NEK1: variants seen among roughly 807,000 people sequenced by gnomAD.
NEK1 encodes the protein serine/threonine-protein kinase Nek1.
NEK1 carries 137 observed loss-of-function variants against 182.1 expected under a neutral mutation model. The ratio of observed to expected loss-of-function variants is 0.75; its 90% CI spans 0.65 to 0.87. The LOEUF (loss-of-function observed/expected upper bound fraction) is 0.87. NEK1 is among the 40% of genes least tolerant of loss of function. NEK1 has a pLI of 0.00. For synonymous variants in NEK1, 513 were observed against 492.2 expected, an observed-to-expected ratio of 1.04 and a Z score of -0.56; for missense variants, 1,391 against 1,494.4, an observed-to-expected ratio of 0.93 and a Z score of 1.14.
intron 31 of NEK1, among the ~76,000 whole-genome samples, chr4:169,424,029 T>G (rs967189626): frequency 1.3e-5 from 2 of 152,178 alleles, no homozygotes; most frequent in Non-Finnish European, 2.9e-5. Context: ...ATATAACAAA[T>G]GATTATTTCT....
At chr4:169,542,432 T>C (rs1428991761) in intron 18 of NEK1, among the ~76,000 whole-genome samples, 1 of 152,246 alleles carries the variant, frequency 6.6e-6, no homozygotes, top group Non-Finnish European at 1.5e-5. Context: ...TCCAAGTCTT[T>C]GCTATTGTGA....
rs540921144 is a variant in NEK1 at position 169,554,403 on chromosome 4, A to G, written c.1562+1317T>C. On this transcript the variant is annotated intron_variant, in intron 18 of 35. Transcript: ENST00000507142. ...CATTGCACTCCAGCCTGGGGATAGAACAAGAACCTGTCTCAAAAAAAAAAA... is the reference window on the plus strand; with the variant it reads ...CATTGCACTCCAGCCTGGGGATAGAGCAAGAACCTGTCTCAAAAAAAAAAA... The G allele has an allele frequency of 2.6e-3, 388 of 150,310 alleles. 3 individuals are homozygous for G. The highest frequency in any genetic ancestry group is 9.3e-3 in the African/African-American group (377 of 40,444). 9.3% of individuals were successfully genotyped at this position (150,310 alleles called of 1,614,324 possible).
chr4:169,537,125 GACAGA>G (rs1758637792), intron 19 of NEK1, among the ~76,000 whole-genome samples: 1 of 152,106 alleles, frequency 6.6e-6, no homozygotes, highest in Non-Finnish European at 1.5e-5. Context: ...TTGCTGAGTG[GACAGA>G]CATAATCATC....
Position 169,507,033 on chromosome 4 carries a change from T to G in NEK1, c.2007+4A>C, listed in dbSNP as rs948183832. On this transcript the variant is annotated splice_donor_region_variant and intron_variant, in intron 23 of 35. Coordinates refer to ENST00000507142, the MANE Select transcript of NEK1 (RefSeq NM_001199397.3). ...CAGGATTAAGAATATGAGCTAAATC[T>G]TACATGCTCTTCCCACACTTTTTTT... is the stretch of plus-strand genomic sequence containing the variant. 1.9e-6 allele frequency: 3 copies of G among 1,598,486 alleles called. No homozygotes were observed. The highest frequency in any genetic ancestry group is 2.6e-6 in the Non-Finnish European group (3 of 1,170,034).
chr4:169,509,950 C>T (rs985565323), intron 19 of NEK1, among the ~76,000 whole-genome samples: 4 of 152,102 alleles, frequency 2.6e-5, no homozygotes, highest in Admixed American at 2.6e-4. Flanking sequence ...TTCCCACATC[C>T]ATTTAATATT....
chr4:169,580,225 G>A (rs906106379), intron 11 of NEK1, among the ~76,000 whole-genome samples: 8 of 152,002 alleles, frequency 5.3e-5, no homozygotes, highest in Non-Finnish European at 7.4e-5. Context: ...AACTGGGTGC[G>A]GTGGCTCACG....
intron 31 of NEK1, among the ~76,000 whole-genome samples, chr4:169,408,613 T>G (rs1359211055): frequency 6.6e-6 from 1 of 152,154 alleles, no homozygotes; most frequent in South Asian, 2.1e-4. Flanking sequence ...CTTTTATCCC[T>G]CATCTACCTC....
intron 35 of NEK1, among the ~76,000 whole-genome samples, chr4:169,396,648 A>G (rs1190733507): frequency 6.6e-6 from 1 of 152,208 alleles, no homozygotes; most frequent in Non-Finnish European, 1.5e-5. Flanking sequence ...AACCTGCACC[A>G]TAACAGTATC....
At chr4:169,468,017 A>G (rs1745250296) in intron 26 of NEK1, among the ~76,000 whole-genome samples, 1 of 152,196 alleles carries the variant, frequency 6.6e-6, no homozygotes, top group Admixed American at 6.6e-5. Context: ...AAGATATACC[A>G]GGTTAACACT....
At chr4:169,600,954 T>C (rs1770390376) in intron 4 of NEK1, among the ~76,000 whole-genome samples, 2 of 152,124 alleles carry the variant, frequency 1.3e-5, no homozygotes, top group South Asian at 4.1e-4. Flanking sequence ...CAAAACCTTT[T>C]AACTTGAAAT....
At chr4:169,420,368 T>C (rs1735280998) in intron 31 of NEK1, among the ~76,000 whole-genome samples, 1 of 152,232 alleles carries the variant, frequency 6.6e-6, no homozygotes, top group Admixed American at 6.5e-5. Context: ...AGTAAAGTAT[T>C]AAAAATACAC....
intron 2 of NEK1, among the ~76,000 whole-genome samples, chr4:169,603,621 CT>C (rs1227451346): frequency 6.6e-6 from 1 of 151,442 alleles, no homozygotes; most frequent in Non-Finnish European, 1.5e-5. Context: ...CTCCATACGT[CT>C]AATGGGGAAA....
At chr4:169,600,488 G>A (rs561416135) in intron 4 of NEK1, among the ~76,000 whole-genome samples, 47 of 152,118 alleles carry the variant, frequency 3.1e-4, no homozygotes, top group South Asian at 1.7e-3. Flanking sequence ...GTGAGCCACC[G>A]CATCCAGCCT....
intron 33 of NEK1, among the ~76,000 whole-genome samples, chr4:169,401,319 A>C (rs192607626): frequency 4.9e-4 from 75 of 152,310 alleles, no homozygotes; most frequent in African/African-American, 1.7e-3. Flanking sequence ...CTGCTGGTTA[A>C]TATATGCAGA....
At chr4:169,581,864 C>T (rs1188327264) in intron 10 of NEK1, among the ~76,000 whole-genome samples, 4 of 152,012 alleles carry the variant, frequency 2.6e-5, no homozygotes, top group African/African-American at 9.7e-5. Flanking sequence ...TTTTGTAGCT[C>T]ATAATTATAA....
At chr4:169,510,994 T>C (rs1754081681) in intron 19 of NEK1, among the ~76,000 whole-genome samples, 1 of 152,110 alleles carries the variant, frequency 6.6e-6, no homozygotes, top group African/African-American at 2.4e-5. Flanking sequence ...TGCATTATAA[T>C]GGTGGAAGCG....
intron 19 of NEK1, among the ~76,000 whole-genome samples, chr4:169,515,413 C>T (rs28865705): frequency 0.29 from 43,927 of 151,690 alleles, 8,970 homozygotes; most frequent in African/African-American, 0.59. Context: ...AACCTGTTTA[C>T]TTCTTCTTTC....
intron 23 of NEK1, among the ~76,000 whole-genome samples, chr4:169,479,777 C>A (rs1747655186): frequency 2.0e-5 from 3 of 152,130 alleles, no homozygotes; most frequent in Admixed American, 2.0e-4. Flanking sequence ...AACCCGCTTT[C>A]ATTGCATTAT....
chr4:169,599,174 T>C lies in NEK1; in HGVS notation c.238A>G (p.Met80Val), dbSNP rs1770058884. The change falls in exon 5 of 36, where the codon ATG becomes GTG. Residue 80 changes from methionine to valine, a missense_variant. Physicochemically the swap from Met to Val is conservative, Grantham distance 21. Coordinates refer to ENST00000507142, the MANE Select transcript of NEK1 (RefSeq NM_001199397.3). ...FEENGSLYIV[M>V]DYCEGGDLFK... is the part of the protein sequence containing the mutation. Reference sequence around the variant, plus strand: ...AGATCCCCTCCCTCACAGTAATCCATTACTATGTAGAGAGAGCCATTTTCT... The same window carrying C: ...AGATCCCCTCCCTCACAGTAATCCACTACTATGTAGAGAGAGCCATTTTCT... 12 of 1,612,816 alleles carry C rather than the reference T, an allele frequency of 7.4e-6. No homozygotes were observed. The highest frequency in any genetic ancestry group is 1.0e-5 in the Non-Finnish European group (12 of 1,179,230).
Sources: allele counts gnomAD v4.1 joint callset (sites outside exome capture counted in the v4.1 genomes callset), GRCh38; gene constraint gnomAD v4.1.1; transcripts MANE v1.5; gene names NCBI Gene and HGNC (gene_info 2026-07-23, HGNC 2026-07-21).